The following ADGRL3 variants were observed in gnomAD, a reference collection of about 807,000 sequenced individuals.
ADGRL3 encodes adhesion G protein-coupled receptor L3.
Under a neutral mutation model 153.5 loss-of-function variants are expected in ADGRL3, and 62 were observed. That is an observed-to-expected ratio of 0.40 (90% CI 0.33 to 0.50). The LOEUF (loss-of-function observed/expected upper bound fraction) is 0.50. ADGRL3 is among the 20% of genes least tolerant of loss of function. ADGRL3 has a pLI of 0.47. For missense variants in ADGRL3, 1,641 were observed against 1,859.4 expected (o/e 0.88, Z 2.16); for synonymous variants, 710 against 672.5 (o/e 1.06, Z -0.86).
At chr4:61,432,644 TTC>T (rs1560623624) in intron 2 of ADGRL3, among the ~76,000 whole-genome samples, 1 of 81,178 alleles carries the variant, frequency 1.2e-5, no homozygotes, top group African/African-American at 5.1e-5. Context: ...CTTTCTTTCT[TTC>T]TTTCTTTCTT....
At chr4:61,664,952 C>T (rs1359326038) in intron 5 of ADGRL3, among the ~76,000 whole-genome samples, 1 of 152,174 alleles carries the variant, frequency 6.6e-6, no homozygotes, top group Admixed American at 6.5e-5. Context: ...TAAGAGGCAA[C>T]TGCATGCCTC....
At chr4:61,340,164 G>C (rs1009984537) in intron 1 of ADGRL3, among the ~76,000 whole-genome samples, 1 of 152,100 alleles carries the variant, frequency 6.6e-6, no homozygotes, top group African/African-American at 2.4e-5. Flanking sequence ...ATGCATCAGA[G>C]TCATTATCCC....
chr4:61,667,387 T>G (rs745363554), intron 5 of ADGRL3, among the ~76,000 whole-genome samples: 9 of 152,218 alleles, frequency 5.9e-5, no homozygotes, highest in Non-Finnish European at 1.2e-4. Flanking sequence ...CCACTGAAAA[T>G]TTTTAGAGCA....
At chr4:61,223,203 G>C (rs535692657) in intron 1 of ADGRL3, among the ~76,000 whole-genome samples, 1 of 152,144 alleles carries the variant, frequency 6.6e-6, no homozygotes, top group Admixed American at 6.5e-5. Context: ...TTACTGGATA[G>C]AAAAGTGGTT....
chr4:61,924,800 T>C (rs2098787449), intron 13 of ADGRL3, among the ~76,000 whole-genome samples: 1 of 152,220 alleles, frequency 6.6e-6, no homozygotes, highest in East Asian at 1.9e-4. Context: ...TTTTCAGTGA[T>C]GCCCATCTGT....
intron 8 of ADGRL3, among the ~76,000 whole-genome samples, chr4:61,754,617 T>G (rs1221824965): frequency 7.8e-6 from 1 of 127,828 alleles, no homozygotes; most frequent in Non-Finnish European, 1.6e-5. Flanking sequence ...TATATATATA[T>G]ATTTATTTAT....
intron 5 of ADGRL3, among the ~76,000 whole-genome samples, chr4:61,646,497 A>C (rs2093991608): frequency 6.6e-6 from 1 of 151,618 alleles, no homozygotes; most frequent in South Asian, 2.1e-4. Context: ...TATCTAACAG[A>C]CAGGACCCTC....
chr4:61,643,877 C>T (rs1301701530), intron 5 of ADGRL3, among the ~76,000 whole-genome samples: 1 of 148,116 alleles, frequency 6.8e-6, no homozygotes, highest in African/African-American at 2.5e-5. Flanking sequence ...CCAGTTCCTC[C>T]TTTTACCTCT....
chr4:61,720,798 G>A (rs1477873365), intron 6 of ADGRL3, among the ~76,000 whole-genome samples: 2 of 152,156 alleles, frequency 1.3e-5, no homozygotes. Context: ...TAATAAGGAA[G>A]GCAGTTAATA....
At chr4:62,039,063 A>G (rs1582009096) in intron 24 of ADGRL3, among the ~76,000 whole-genome samples, 1 of 152,262 alleles carries the variant, frequency 6.6e-6, no homozygotes, top group East Asian at 1.9e-4. Context: ...TATATATCTA[A>G]TTATTGTTTC....
intron 7 of ADGRL3, among the ~76,000 whole-genome samples, chr4:61,731,583 A>G (rs538228707): frequency 6.6e-6 from 1 of 152,214 alleles, no homozygotes; most frequent in Non-Finnish European, 1.5e-5. Flanking sequence ...AAGAAGCTCT[A>G]TGATAAAGGT....
chr4:61,550,947 A>T (rs2148808086), intron 4 of ADGRL3, among the ~76,000 whole-genome samples: 1 of 152,206 alleles, frequency 6.6e-6, no homozygotes, highest in Admixed American at 6.5e-5. Context: ...TTAGATTATA[A>T]GTTAAGCTGG....
chr4:61,746,665 C>A (rs1456048857), intron 8 of ADGRL3, among the ~76,000 whole-genome samples: 1 of 152,052 alleles, frequency 6.6e-6, no homozygotes, highest in Admixed American at 6.6e-5. Flanking sequence ...CCAACAAGAA[C>A]AAAGAAACAA....
intron 2 of ADGRL3, among the ~76,000 whole-genome samples, chr4:61,421,800 T>C (rs2152340537): frequency 6.6e-6 from 1 of 152,298 alleles, no homozygotes; most frequent in East Asian, 1.9e-4. Context: ...TTGATGCCCA[T>C]GAGTCAAAAC....
At chr4:61,935,820 G>T in intron 14 of ADGRL3, 103 bp from the exon 15 acceptor site, 6 of 1,005,916 alleles carry the variant, frequency 6.0e-6, no homozygotes, top group Non-Finnish European at 8.4e-6. Context: ...AATAGAATAA[G>T]AATTCCAGTA....
rs1054478491 is a variant in ADGRL3, at chr4:62,024,908, C to T, written c.3396-3947C>T. ...TTGTGCCATTGCACTTTAACCCAGG[C>T]GACAGTGTGAGACTCCGTCTCAAAA... On this transcript the variant is annotated intron_variant, in intron 21 of 26. Transcript: ENST00000683033. Among the ~76,000 whole-genome samples the T allele has an allele frequency of 1.4e-4, 18 of 128,802 alleles. No homozygotes were observed. In the Admixed American group the frequency reaches 1.5e-3, roughly 11 times the overall value. 84.5% of individuals were successfully genotyped at this position (128,802 alleles called of 152,430 possible).
chr4:61,542,043 C>G lies in ADGRL3; in HGVS notation c.259+24525C>G, dbSNP rs1005446472. Among the ~76,000 whole-genome samples the G allele has an allele frequency of 6.6e-4, 100 of 152,040 alleles. 5 individuals are homozygous for G. The highest frequency in any genetic ancestry group is 1.3e-4 in the Non-Finnish European group (9 of 67,994). On this transcript the variant is annotated intron_variant, in intron 4 of 26. Coordinates refer to ENST00000683033, the MANE Select transcript of ADGRL3 (RefSeq NM_001387552.1). ...TAGAATTAGTTCAAGAGATTTTTCT[C>G]TTTTTTCCTGATAATTTTTAATCTA...
chr4:61,538,152 A>ATAAAG (rs1277217717), intron 4 of ADGRL3, among the ~76,000 whole-genome samples: 1 of 152,210 alleles, frequency 6.6e-6, no homozygotes, highest in African/African-American at 2.4e-5. Context: ...ATAAAATAAA[A>ATAAAG]TAAAATAAAA....
chr4:61,496,642 C>CA (rs779574042), intron 2 of ADGRL3, among the ~76,000 whole-genome samples: 23 of 137,508 alleles, frequency 1.7e-4, no homozygotes, highest in African/African-American at 4.4e-4. Context: ...AATTCCATTT[C>CA]AAAAAAAAGA....
Sources: gnomAD v4.1 joint callset for allele counts (sites outside exome capture counted in the v4.1 genomes callset) on GRCh38, gnomAD v4.1.1 for gene constraint, MANE v1.5 for transcripts, NCBI Gene and HGNC (gene_info 2026-07-23, HGNC 2026-07-21) for gene names.